The following FBXO36 variants were observed in gnomAD, a reference collection of about 807,000 sequenced individuals.
FBXO36 encodes F-box protein 36, also known as F-box only protein 36.
In FBXO36, 18 loss-of-function variants were observed where a neutral mutation model predicts 17.0. The observed-to-expected ratio is 1.06, with a 90% CI of 0.73 to 1.57. FBXO36 has a LOEUF of 1.57. Ranked by LOEUF, FBXO36 falls within the 40% of genes most tolerant of loss-of-function variation. FBXO36 has a pLI of 0.00. For synonymous variants in FBXO36, 83 were observed against 85.3 expected, an observed-to-expected ratio of 0.97 and a Z score of 0.15; for missense variants, 229 against 221.9, an observed-to-expected ratio of 1.03 and a Z score of -0.20.
At chr2:229,938,992 C>T (rs2076982279) in intron 1 of FBXO36, 2 of 152,064 alleles carry the variant, frequency 1.3e-5, no homozygotes, top group African/African-American at 2.4e-5. Flanking sequence ...AGCCACCGCG[C>T]CCAGCCGGAT....
At chr2:229,937,250 T>C (rs1426325169) in intron 1 of FBXO36, among the ~76,000 whole-genome samples, 1 of 152,112 alleles carries the variant, frequency 6.6e-6, no homozygotes, top group Non-Finnish European at 1.5e-5. Flanking sequence ...ATCCCAGCAC[T>C]TTAGGAGGCT....
At chr2:229,950,722 A>T (rs892571244) in intron 1 of FBXO36, among the ~76,000 whole-genome samples, 1 of 150,474 alleles carries the variant, frequency 6.6e-6, no homozygotes, top group African/African-American at 2.4e-5. Context: ...GAAAAAAATC[A>T]TATTGGTTAA....
intron 3 of FBXO36, among the ~76,000 whole-genome samples, chr2:230,003,687 C>A (rs960513551): frequency 6.6e-6 from 1 of 152,140 alleles, no homozygotes; most frequent in Non-Finnish European, 1.5e-5. Context: ...CATGTGCCAC[C>A]ACACCCGGCT....
At chr2:229,952,806 C>T (rs1324143462) in intron 1 of FBXO36, among the ~76,000 whole-genome samples, 2 of 152,182 alleles carry the variant, frequency 1.3e-5, no homozygotes, top group African/African-American at 4.8e-5. Flanking sequence ...AGCTGTGCAA[C>T]TGATAACGAA....
intron 1 of FBXO36, among the ~76,000 whole-genome samples, chr2:229,963,508 G>A (rs2077135257): frequency 6.8e-6 from 1 of 147,746 alleles, no homozygotes; most frequent in Non-Finnish European, 1.5e-5. Context: ...GCAGTGGCGT[G>A]ATCTCAGCTC....
At chr2:229,981,564 G>A (rs994053294) in intron 2 of FBXO36, among the ~76,000 whole-genome samples, 4 of 151,702 alleles carry the variant, frequency 2.6e-5, no homozygotes, top group Non-Finnish European at 5.9e-5. Flanking sequence ...AAATTGGCTG[G>A]GCGTGGTGGT....
intron 2 of FBXO36, among the ~76,000 whole-genome samples, chr2:229,984,744 T>C (rs925014542): frequency 6.6e-6 from 1 of 152,130 alleles, no homozygotes; most frequent in African/African-American, 2.4e-5. Context: ...ATTTTTCTGT[T>C]AGTGTACATA....
Position 229,949,692 on chromosome 2 carries a change from A to C in FBXO36, c.97-26549A>C, listed in dbSNP as rs571199464. Among the ~76,000 whole-genome samples the C allele has an allele frequency of 2.6e-5, 4 of 151,846 alleles. No homozygotes were observed. In the East Asian group the frequency reaches 7.8e-4, roughly 30 times the overall value. On this transcript the variant is annotated intron_variant, in intron 1 of 3. Transcript: ENST00000283946. ...TGTAATCCCAGCACTTTGGGAGGCCAAGGCGGGCGGATCACGAGGTCAGGA... is the reference window on the plus strand; with the variant it reads ...TGTAATCCCAGCACTTTGGGAGGCCCAGGCGGGCGGATCACGAGGTCAGGA...
At chr2:229,981,442 G>A (rs1396561803) in intron 2 of FBXO36, among the ~76,000 whole-genome samples, 3 of 151,738 alleles carry the variant, frequency 2.0e-5, no homozygotes, top group Non-Finnish European at 2.9e-5. Flanking sequence ...GCAGTAGCAC[G>A]ATCACGCTCA....
chr2:229,929,306 G>A (rs1424101895), intron 1 of FBXO36, among the ~76,000 whole-genome samples: 1 of 151,280 alleles, frequency 6.6e-6, no homozygotes, highest in Non-Finnish European at 1.5e-5. Flanking sequence ...GCTCACACCT[G>A]TAATCCCAGA....
chr2:230,007,755 C>T (rs911771048), intron 3 of FBXO36, among the ~76,000 whole-genome samples: 2 of 152,130 alleles, frequency 1.3e-5, no homozygotes, highest in Admixed American at 6.5e-5. Flanking sequence ...TGCCACCATA[C>T]CTGGCTAATT....
rs181190618 is a variant in FBXO36, at chr2:229,956,117, C to T, written c.97-20124C>T. 5.7e-3 allele frequency among the ~76,000 whole-genome samples: 866 copies of T among 152,292 alleles called. 5 individuals carry two copies. Among genetic ancestry groups the T allele is most frequent in the Middle Eastern group, 0.048 (14 of 294 alleles). The stretch of plus-strand genomic sequence containing the variant: ...ATTCTTACAATTATCATTTTGGGAG[C>T]TGTATTAGTTTTCTCAGGCTGCCAT... On this transcript the variant is annotated intron_variant, in intron 1 of 3. Transcript: ENST00000283946.
rs185183596 is a variant in FBXO36, at chr2:229,995,894, G to A, written c.206-857G>A. ...GGGGTGAGCCTCCGTGCCCAGCCCT[G>A]TTCCTATTTTTTTTTTTTCCTATCA... On this transcript the variant is annotated intron_variant, in intron 2 of 3. Transcript: ENST00000283946. Among the ~76,000 whole-genome samples, 59 of 151,216 alleles carry A rather than the reference G, an allele frequency of 3.9e-4. No homozygotes were observed. The East Asian group carries it at 0.01, about 27-fold the overall frequency.
intron 3 of FBXO36, among the ~76,000 whole-genome samples, chr2:230,005,326 C>A (rs890840743): frequency 5.3e-5 from 8 of 152,088 alleles, no homozygotes; most frequent in Non-Finnish European, 1.2e-4. Context: ...GGTCTCGAAT[C>A]TTGGGCTCAA....
At chr2:230,004,652 TTA>T (rs2077377511) in intron 3 of FBXO36, among the ~76,000 whole-genome samples, 1 of 152,148 alleles carries the variant, frequency 6.6e-6, no homozygotes, top group Admixed American at 6.5e-5. Flanking sequence ...TAGTAACATA[TTA>T]TATATTGTTC....
intron 1 of FBXO36, among the ~76,000 whole-genome samples, chr2:229,949,441 T>C (rs2077043459): frequency 6.6e-6 from 1 of 152,160 alleles, no homozygotes; most frequent in Non-Finnish European, 1.5e-5. Flanking sequence ...AATGATGCTA[T>C]ATTTAGACAT....
At chr2:229,926,008 G>A (rs993846648) in intron 1 of FBXO36, among the ~76,000 whole-genome samples, 1 of 151,874 alleles carries the variant, frequency 6.6e-6, no homozygotes, top group Non-Finnish European at 1.5e-5. Context: ...TTCACTCAAG[G>A]GTTGGGCACA....
At chr2:229,996,263 A>G (rs1441893467) in intron 2 of FBXO36, among the ~76,000 whole-genome samples, 1 of 151,708 alleles carries the variant, frequency 6.6e-6, no homozygotes, top group Non-Finnish European at 1.5e-5. Context: ...GGGCGACCCC[A>G]TCTAAAAAAA....
chr2:229,981,638 G>A (rs1376133756), intron 2 of FBXO36, among the ~76,000 whole-genome samples: 1 of 148,754 alleles, frequency 6.7e-6, no homozygotes, highest in Non-Finnish European at 1.5e-5. Flanking sequence ...GGAGGTCCAG[G>A]CTGTAGTGCG....
Sources: allele counts gnomAD v4.1 joint callset (sites outside exome capture counted in the v4.1 genomes callset), GRCh38; gene constraint gnomAD v4.1.1; transcripts MANE v1.5; gene names NCBI Gene and HGNC (gene_info 2026-07-23, HGNC 2026-07-21).